The following PROSER1 variants were observed in gnomAD, a reference collection of about 807,000 sequenced individuals.
The protein encoded by PROSER1 is proline and serine-rich protein 1.
PROSER1 carries 36 observed loss-of-function variants against 71.8 expected under a neutral mutation model. The ratio of observed to expected loss-of-function variants is 0.50; its 90% CI spans 0.38 to 0.66. PROSER1 has a LOEUF of 0.66. Among genes scored for constraint, PROSER1 ranks in the 30% least tolerant of loss-of-function variants. The pLI, the probability that PROSER1 is intolerant of heterozygous loss-of-function variation, is 0.00. For missense variants in PROSER1, 1,107 were observed against 1,135.0 expected (o/e 0.98, Z 0.35); for synonymous variants, 490 against 452.4 (o/e 1.08, Z -1.06).
chr13:39,014,913 G>A (rs1869936206), intron 10 of PROSER1, among the ~76,000 whole-genome samples: 1 of 152,112 alleles, frequency 6.6e-6, no homozygotes, highest in Admixed American at 6.5e-5. Flanking sequence ...AGGCTTTCCA[G>A]GATTCATGCC....
chr13:39,028,161 G>A (rs569124216), intron 5 of PROSER1, 66 bp downstream of exon 5: 13 of 812,084 alleles, frequency 1.6e-5, no homozygotes, highest in African/African-American at 1.2e-4. Context: ...GAAGAAAGGT[G>A]CTTTTTCGTC....
At chr13:39,022,478 G>C (rs992796968) in intron 8 of PROSER1, 66 bp from the exon 9 acceptor site, 31 of 1,046,992 alleles carry the variant, frequency 3.0e-5, no homozygotes, top group Non-Finnish European at 4.6e-5. Context: ...ATTGTTCTGT[G>C]ACTAGGAGTT....
intron 8 of PROSER1, 145 bp downstream of exon 8, chr13:39,022,907 C>T: frequency 1.6e-6 from 1 of 615,056 alleles, no homozygotes; most frequent in Non-Finnish European, 2.9e-6. Context: ...CAGGACACTA[C>T]TAGCTAACTA....
At position 39,037,367 on chromosome 13, in the gene PROSER1, G is replaced by C. The variant is rs1341268646; in HGVS notation, c.-125C>G. The C allele has an allele frequency of 1.4e-6, 1 of 734,360 alleles. No homozygotes were observed. The highest frequency in any genetic ancestry group is 2.6e-5 in the East Asian group (1 of 38,824). 45.5% of individuals were successfully genotyped at this position (734,360 alleles called of 1,614,324 possible). On this transcript the variant is annotated 5_prime_UTR_variant, in exon 1 of 13. Coordinates refer to ENST00000352251, the MANE Select transcript of PROSER1 (RefSeq NM_025138.5). ...AGGAGGAAAAAGACTCCACGAGCAAGAGAGGATGCGAAGAGGTAGAGAGTA... is the reference window on the plus strand; with the variant it reads ...AGGAGGAAAAAGACTCCACGAGCAACAGAGGATGCGAAGAGGTAGAGAGTA...
chr13:39,036,414 G>C (rs918950498), intron 1 of PROSER1, among the ~76,000 whole-genome samples: 1 of 152,156 alleles, frequency 6.6e-6, no homozygotes, highest in African/African-American at 2.4e-5. Context: ...GGTCGTAAAG[G>C]TATGCAGCTG....
chr13:39,026,635 TAG>T (rs1297055482), intron 5 of PROSER1, among the ~76,000 whole-genome samples: 2 of 152,184 alleles, frequency 1.3e-5, no homozygotes, highest in Non-Finnish European at 2.9e-5. Context: ...GTCTTCACAG[TAG>T]ATTTTGTAAA....
intron 12 of PROSER1, 47 bp from the exon 13 acceptor site, chr13:39,011,534 C>T (rs1869659551): frequency 1.3e-6 from 2 of 1,599,732 alleles, no homozygotes; most frequent in Non-Finnish European, 8.5e-7. Flanking sequence ...CAAGTTCATT[C>T]AAGCCTGCGC....
chr13:39,012,432 G>T (rs1028192043), intron 11 of PROSER1, 199 bp from the exon 12 acceptor site: 2 of 674,226 alleles, frequency 3.0e-6, no homozygotes, highest in Non-Finnish European at 5.0e-6. Flanking sequence ...TCGAAATTCA[G>T]TAAGTCTGTT....
At chr13:39,025,356 T>A (rs1593536189) in intron 6 of PROSER1, among the ~76,000 whole-genome samples, 1 of 152,172 alleles carries the variant, frequency 6.6e-6, no homozygotes, top group South Asian at 2.1e-4. Flanking sequence ...TCCCAAGATG[T>A]CCCCCACTGA....
Position 39,013,098 on chromosome 13 carries a change from T to C in PROSER1, c.2154A>G (p.Ser718=), listed in dbSNP as rs992947627. 1 of 1,614,072 alleles carries C rather than the reference T, an allele frequency of 6.2e-7. No individual in the cohort carries two copies. The highest frequency in any genetic ancestry group is 1.7e-5 in the Admixed American group (1 of 59,998). The change falls in exon 11 of 13, where the codon TCA becomes TCG. Residue 718 remains serine, a synonymous_variant. Transcript: ENST00000352251. ...PLTGNPSLNP[S]VSLPGSLIAT... Reference sequence around the variant, plus strand: ...CTATTAATGACCCTGGGAGAGATACTGACGGATTAAGAGATGGGTTGCCAG... The same window carrying C: ...CTATTAATGACCCTGGGAGAGATACCGACGGATTAAGAGATGGGTTGCCAG...
At chr13:39,034,057 C>T (rs891012512) in intron 2 of PROSER1, 74 bp downstream of exon 2, 51 of 1,053,366 alleles carry the variant, frequency 4.8e-5, no homozygotes, top group Middle Eastern at 2.3e-4. Context: ...ATTCTGAATT[C>T]GGCCAGCAGA....
Position 39,013,619 on chromosome 13 carries a change from C to T in PROSER1, c.1633G>A (p.Val545Met), listed in dbSNP as rs199971421. The change falls in exon 11 of 13, where the codon GTG becomes ATG. Residue 545 changes from valine (V) to methionine (M), a missense_variant. Physicochemically the swap from Val to Met is conservative, Grantham distance 21. Coordinates refer to ENST00000352251, the MANE Select transcript of PROSER1 (RefSeq NM_025138.5). ...AGGGGAGTGGAAGTTGAGTTAGCCA[C>T]GGGAGACGGCAGGCCTGGGAACAGG... ...LALFPGLPSP[V>M]ANSTSTPLTL... 4.2e-5 allele frequency: 67 copies of T among 1,614,078 alleles called. No homozygotes were observed. Among genetic ancestry groups the T allele is most frequent in the African/African-American group, 1.7e-4 (13 of 75,022 alleles).
intron 7 of PROSER1, chr13:39,024,074 T>C (rs768022183): frequency 2.3e-5 from 4 of 171,342 alleles, no homozygotes; most frequent in Admixed American, 1.1e-4. Flanking sequence ...TGTCTTCTCC[T>C]GTCCTGTTTA....
At chr13:39,021,897 TCA>T (rs1190439267) in intron 9 of PROSER1, among the ~76,000 whole-genome samples, 1 of 152,208 alleles carries the variant, frequency 6.6e-6, no homozygotes, top group Admixed American at 6.5e-5. Context: ...TTGCTATAAA[TCA>T]CATTCTAATT....
intron 7 of PROSER1, 168 bp from the exon 8 acceptor site, chr13:39,023,298 T>C: frequency 3.6e-6 from 2 of 550,982 alleles, no homozygotes; most frequent in Admixed American, 3.0e-5. Flanking sequence ...CTTTAATAAA[T>C]GTGGTTGCTA....
At chr13:39,016,493 A>T (rs570789450) in intron 10 of PROSER1, among the ~76,000 whole-genome samples, 3 of 152,232 alleles carry the variant, frequency 2.0e-5, no homozygotes, top group Non-Finnish European at 4.4e-5. Context: ...CAAAAGGAAA[A>T]AATAAAATCT....
intron 2 of PROSER1, among the ~76,000 whole-genome samples, chr13:39,033,042 T>A (rs1566029205): frequency 6.6e-6 from 1 of 152,018 alleles, no homozygotes; most frequent in Non-Finnish European, 1.5e-5. Flanking sequence ...AGCCTCAGCC[T>A]CCTGAACAGC....
intron 2 of PROSER1, among the ~76,000 whole-genome samples, chr13:39,032,585 T>G (rs1194170739): frequency 2.0e-5 from 3 of 152,086 alleles, no homozygotes; most frequent in Non-Finnish European, 4.4e-5. Context: ...AAAAATAATT[T>G]TTACTCCTTA....
chr13:39,012,282 G>C, intron 11 of PROSER1, 49 bp from the exon 12 acceptor site: 1 of 1,554,924 alleles, frequency 6.4e-7, no homozygotes, highest in Non-Finnish European at 8.8e-7. Flanking sequence ...AGACATAAAA[G>C]CTACTGTTTC....
Sources: allele counts gnomAD v4.1 joint callset (sites outside exome capture counted in the v4.1 genomes callset), GRCh38; gene constraint gnomAD v4.1.1; transcripts MANE v1.5; gene names NCBI Gene and HGNC (gene_info 2026-07-23, HGNC 2026-07-21).